The following RBM33 variants were observed in gnomAD, a reference collection of about 807,000 sequenced individuals.
RBM33 encodes RNA binding motif protein 33.
In RBM33, 28 loss-of-function variants were observed where a neutral mutation model predicts 132.6. The ratio of observed to expected loss-of-function variants is 0.21; its 90% CI spans 0.16 to 0.29. RBM33 has a LOEUF of 0.29. Among genes scored for constraint, RBM33 ranks in the 10% least tolerant of loss-of-function variants. The pLI is 1.00. For missense variants in RBM33, 1,291 were observed against 1,518.5 expected, an observed-to-expected ratio of 0.85 and a Z score of 2.49; for synonymous variants, 634 against 593.0, an observed-to-expected ratio of 1.07 and a Z score of -1.01.
intron 5 of RBM33, among the ~76,000 whole-genome samples, chr7:155,698,303 G>A (rs920957493): frequency 1.3e-5 from 2 of 152,102 alleles, no homozygotes; most frequent in African/African-American, 4.8e-5. Context: ...GGAGGCAGAG[G>A]TTGTCGTGAG....
intron 3 of RBM33, among the ~76,000 whole-genome samples, chr7:155,673,772 A>ACACACACACACACC (rs1799068505): frequency 9.1e-6 from 1 of 109,668 alleles, no homozygotes; most frequent in Non-Finnish European, 2.0e-5. Flanking sequence ...ATGCGCGCAC[A>ACACACACACACACC]CACACACACA....
At chr7:155,756,511 G>A (rs936704313) in intron 14 of RBM33, among the ~76,000 whole-genome samples, 11 of 152,144 alleles carry the variant, frequency 7.2e-5, no homozygotes, top group African/African-American at 2.4e-4. Context: ...GCAGTAAAAG[G>A]GAATTGAAAG....
At chr7:155,654,701 A>G (rs896989497) in intron 1 of RBM33, among the ~76,000 whole-genome samples, 1 of 152,198 alleles carries the variant, frequency 6.6e-6, no homozygotes, top group Non-Finnish European at 1.5e-5. Flanking sequence ...CCCAGCCCTC[A>G]TCACATTGTG....
rs776751574 is a variant in RBM33, at chr7:155,739,870, G to A, written c.1893G>A (p.Pro631=). Residue 631 remains proline (P), a synonymous_variant, in exon 12 of 18, where the codon CCG becomes CCA. Transcript: ENST00000401878. The stretch of plus-strand genomic sequence containing the variant: ...CCCAGCACCCACCACAGCACCCGCC[G>A]CAGCACCAGCACCACCACCACCACC... ...PPPQHPPQHP[P]QHQHHHHHHH... 40 of 1,171,302 alleles carry A rather than the reference G, an allele frequency of 3.4e-5. No individual in the cohort carries two copies. Among genetic ancestry groups the A allele is most frequent in the South Asian group, 1.4e-5 (1 of 73,428 alleles). The allele number at this position is 1,171,302 out of a possible 1,614,324, so 72.6% of individuals were successfully genotyped here.
At chr7:155,766,678 T>C in intron 16 of RBM33, 23 bp downstream of exon 16, 1 of 1,595,912 alleles carries the variant, frequency 6.3e-7, no homozygotes, top group Non-Finnish European at 8.5e-7. Context: ...GGGTGGCATC[T>C]GTGCCACGGG....
intron 1 of RBM33, among the ~76,000 whole-genome samples, chr7:155,656,897 A>G (rs1798507330): frequency 6.6e-6 from 1 of 151,632 alleles, no homozygotes; most frequent in Non-Finnish European, 1.5e-5. Context: ...GTTACATACC[A>G]TATATTAGTT....
intron 2 of RBM33, among the ~76,000 whole-genome samples, chr7:155,668,182 A>G (rs1324446515): frequency 6.6e-6 from 1 of 152,148 alleles, no homozygotes; most frequent in Non-Finnish European, 1.5e-5. Flanking sequence ...GTATACACAC[A>G]TATTTTAAAT....
rs1054564847 is a variant in RBM33, at chr7:155,745,445, C to T, written c.2822C>T (p.Pro941Leu). 4 of 1,613,726 alleles carry T rather than the reference C, an allele frequency of 2.5e-6. No homozygotes were observed. In the East Asian group the frequency reaches 8.9e-5, roughly 36 times the overall value. ...LPIKPADVEE[P>L]AVPQTPRVAS... Reference sequence around the variant, plus strand: ...ATCAAACCTGCAGATGTGGAGGAGCCAGCTGTCCCCCAGACTCCTCGAGTG... The same window carrying T: ...ATCAAACCTGCAGATGTGGAGGAGCTAGCTGTCCCCCAGACTCCTCGAGTG... Residue 941 changes from proline (P) to leucine (L), a missense_variant, in exon 14 of 18, where the codon CCA becomes CTA. Pro to Leu is a moderately conservative substitution (Grantham distance 98, BLOSUM62 -3). Transcript: ENST00000401878. The surrounding 1 kb of genome is among the most constrained non-coding windows in gnomAD (Gnocchi z 4.1).
intron 2 of RBM33, among the ~76,000 whole-genome samples, chr7:155,669,446 A>C (rs1458628655): frequency 6.6e-6 from 1 of 152,120 alleles, no homozygotes; most frequent in Non-Finnish European, 1.5e-5. Flanking sequence ...TCTACCTCCC[A>C]GGTTCAAGCG....
chr7:155,780,796 C>CCA lies in RBM33; in HGVS notation c.*5755_*5756insCA, dbSNP rs11273304. The CCA allele has an allele frequency of 6.6e-6, 1 of 152,566 alleles. No homozygotes were observed. Among genetic ancestry groups the CCA allele is most frequent in the Non-Finnish European group, 1.5e-5 (1 of 68,092 alleles). The allele number at this position is 152,566 out of a possible 1,614,324, so 9.5% of individuals were successfully genotyped here. A position where few individuals can be genotyped will look rare whatever the true frequency, so the allele number is the denominator to read the frequency against. On this transcript the variant is annotated 3_prime_UTR_variant, in exon 18 of 18. Transcript: ENST00000401878. ...CTGTGTTTACCACTCCATCACCTCTCAACCTTTGCTTCGACAGGTCTTCAC... is the reference window on the plus strand; with the variant it reads ...CTGTGTTTACCACTCCATCACCTCTCCAAACCTTTGCTTCGACAGGTCTTCAC...
chr7:155,669,975 C>G (rs1158077068), intron 2 of RBM33, among the ~76,000 whole-genome samples: 1 of 152,134 alleles, frequency 6.6e-6, no homozygotes, highest in African/African-American at 2.4e-5. Context: ...ACAGAGCAGG[C>G]AGGTAAGACG....
chr7:155,703,554 G>T (rs1800027652), intron 6 of RBM33, among the ~76,000 whole-genome samples: 1 of 152,138 alleles, frequency 6.6e-6, no homozygotes, highest in Non-Finnish European at 1.5e-5. Flanking sequence ...AAGAAAGCTT[G>T]GTGCTTGGAA....
chr7:155,775,262 C>T lies in RBM33; in HGVS notation c.*221C>T, dbSNP rs2108192. 1.5e-6 allele frequency: 1 copy of T among 652,632 alleles called. No individual in the cohort carries two copies. The highest frequency in any genetic ancestry group is 2.8e-6 in the Non-Finnish European group (1 of 357,058). The allele number at this position is 652,632 out of a possible 1,614,324, so 40.4% of individuals were successfully genotyped here. A position where few individuals can be genotyped will look rare whatever the true frequency, so the allele number is the denominator to read the frequency against. On this transcript the variant is annotated 3_prime_UTR_variant, in exon 18 of 18. Transcript: ENST00000401878. ...TTGGTGTTAGATTGCTTCACATTCTCTTGTCACCACCAAGAACTCCAAGTT... is the reference window on the plus strand; with the variant it reads ...TTGGTGTTAGATTGCTTCACATTCTTTTGTCACCACCAAGAACTCCAAGTT...
At chr7:155,766,949 CATACA>C (rs1276930499) in intron 16 of RBM33, 1 of 358,892 alleles carries the variant, frequency 2.8e-6, no homozygotes, top group African/African-American at 2.1e-5. Flanking sequence ...TGCACACATA[CATACA>C]AAATTTTTTG....
At chr7:155,679,042 C>T (rs978419825) in intron 4 of RBM33, among the ~76,000 whole-genome samples, 2 of 152,050 alleles carry the variant, frequency 1.3e-5, no homozygotes, top group African/African-American at 2.4e-5. Flanking sequence ...CGTAGTGGCC[C>T]GCGCCTATAG....
At chr7:155,688,526 G>A (rs572659363) in intron 5 of RBM33, among the ~76,000 whole-genome samples, 27 of 152,314 alleles carry the variant, frequency 1.8e-4, no homozygotes, top group African/African-American at 6.3e-4. Flanking sequence ...GAATAGGAGT[G>A]GTGAGAGAGG....
chr7:155,780,794 C>CTCCATCACCTCTCCA lies in RBM33; in HGVS notation c.*5755_*5756insCATCACCTCTCCATC, dbSNP rs746995329. ...CACTGTGTTTACCACTCCATCACCT[C>CTCCATCACCTCTCCA]TCAACCTTTGCTTCGACAGGTCTTC... On this transcript the variant is annotated 3_prime_UTR_variant, in exon 18 of 18. Coordinates refer to ENST00000401878, the MANE Select transcript of RBM33 (RefSeq NM_053043.3). 2 of 152,656 alleles carry CTCCATCACCTCTCCA rather than the reference C, an allele frequency of 1.3e-5. No individual in the cohort carries two copies. The highest frequency in any genetic ancestry group is 2.1e-4 in the South Asian group (1 of 4,824). 9.5% of individuals were successfully genotyped at this position (152,656 alleles called of 1,614,324 possible).
At chr7:155,740,396 T>A (rs1801292665) in intron 12 of RBM33, among the ~76,000 whole-genome samples, 1 of 152,216 alleles carries the variant, frequency 6.6e-6, no homozygotes, top group Non-Finnish European at 1.5e-5. Flanking sequence ...GATGTATAGA[T>A]TATCTCTGTC....
rs575296828 is a variant in RBM33 at position 155,705,602 on chromosome 7, G to T, written c.740-1258G>T. Among the ~76,000 whole-genome samples, 14 of 152,332 alleles carry T rather than the reference G, an allele frequency of 9.2e-5. No homozygotes were observed. The South Asian group carries it at 2.7e-3, about 29-fold the overall frequency. ...TGGTAATATTGAAAGCGTACCCTTGGCTGGGGAAGAAGGCAGGAGAAGGTG... is the reference window on the plus strand; with the variant it reads ...TGGTAATATTGAAAGCGTACCCTTGTCTGGGGAAGAAGGCAGGAGAAGGTG... On this transcript the variant is annotated intron_variant, in intron 6 of 17. Coordinates refer to ENST00000401878, the MANE Select transcript of RBM33 (RefSeq NM_053043.3).
Sources: allele counts gnomAD v4.1 joint callset (sites outside exome capture counted in the v4.1 genomes callset), GRCh38; gene constraint gnomAD v4.1.1; non-coding constraint Gnocchi (gnomAD v3.1); transcripts MANE v1.5; gene names NCBI Gene and HGNC (gene_info 2026-07-23, HGNC 2026-07-21).